GABRB1: variants seen among roughly 807,000 people sequenced by gnomAD.
GABRB1 encodes gamma-aminobutyric acid receptor subunit beta-1.
A neutral mutation model predicts 51.6 loss-of-function variants in GABRB1; 17 were observed. The ratio of observed to expected loss-of-function variants is 0.33; its 90% CI spans 0.23 to 0.49. The LOEUF is 0.49. Among genes scored for constraint, GABRB1 ranks in the 20% least tolerant of loss-of-function variants. The pLI is 0.99. For synonymous variants in GABRB1, 247 were observed against 218.9 expected, an observed-to-expected ratio of 1.13 and a Z score of -1.14; for missense variants, 410 against 600.6, an observed-to-expected ratio of 0.68 and a Z score of 3.32.
At chr4:47,233,038 C>T (rs978396976) in intron 4 of GABRB1, among the ~76,000 whole-genome samples, 3 of 152,006 alleles carry the variant, frequency 2.0e-5, no homozygotes, top group Non-Finnish European at 4.4e-5. Context: ...CCATGCCCAG[C>T]TAATTTTTTT....
intron 4 of GABRB1, among the ~76,000 whole-genome samples, chr4:47,222,197 T>C (rs1038049161): frequency 6.6e-6 from 1 of 152,152 alleles, no homozygotes; most frequent in Non-Finnish European, 1.5e-5. Flanking sequence ...GCTCTGCACA[T>C]GTCAGTGACT....
At chr4:47,342,993 T>C (rs1241076862) in intron 5 of GABRB1, among the ~76,000 whole-genome samples, 2 of 152,138 alleles carry the variant, frequency 1.3e-5, no homozygotes, top group Non-Finnish European at 2.9e-5. Context: ...TCCATCACGC[T>C]GGCTGATGGA....
At chr4:47,136,839 A>T (rs1299788524) in intron 3 of GABRB1, among the ~76,000 whole-genome samples, 2 of 152,098 alleles carry the variant, frequency 1.3e-5, no homozygotes, top group African/African-American at 4.8e-5. Context: ...CTTTAATTTT[A>T]TTATATAATT....
chr4:47,318,961 G>A (rs1480050599), intron 4 of GABRB1, among the ~76,000 whole-genome samples: 1 of 152,028 alleles, frequency 6.6e-6, no homozygotes, highest in African/African-American at 2.4e-5. Flanking sequence ...AAGCACAGCT[G>A]TGTCTTCTTA....
intron 3 of GABRB1, among the ~76,000 whole-genome samples, chr4:47,160,283 T>C (rs551337520): frequency 2.0e-5 from 3 of 152,174 alleles, no homozygotes; most frequent in African/African-American, 4.8e-5. Flanking sequence ...CTTCCTGAAA[T>C]GAAACAGGAA....
chr4:47,243,066 G>C (rs1472808192), intron 4 of GABRB1, among the ~76,000 whole-genome samples: 1 of 152,140 alleles, frequency 6.6e-6, no homozygotes, highest in Non-Finnish European at 1.5e-5. Context: ...TTTTGTATCA[G>C]GTGTAAGGAA....
intron 3 of GABRB1, among the ~76,000 whole-genome samples, chr4:47,136,339 C>A (rs1268916432): frequency 6.6e-6 from 1 of 151,956 alleles, no homozygotes; most frequent in African/African-American, 2.4e-5. Flanking sequence ...TTCTTTCATG[C>A]TTATGTAACG....
intron 1 of GABRB1, among the ~76,000 whole-genome samples, chr4:46,999,198 G>A (rs1007078235): frequency 2.0e-5 from 3 of 152,094 alleles, no homozygotes; most frequent in African/African-American, 7.2e-5. Context: ...AAATACTGGA[G>A]GTATGATTCA....
intron 5 of GABRB1, among the ~76,000 whole-genome samples, chr4:47,326,527 T>C (rs1221688375): frequency 6.6e-6 from 1 of 152,186 alleles, no homozygotes; most frequent in Non-Finnish European, 1.5e-5. Flanking sequence ...TATGTACATA[T>C]AGAAAAAACA....
intron 4 of GABRB1, among the ~76,000 whole-genome samples, chr4:47,295,457 G>A (rs2051068795): frequency 1.3e-5 from 2 of 152,196 alleles, no homozygotes; most frequent in South Asian, 2.1e-4. Context: ...ACTACATGAA[G>A]AATGCAGAAG....
chr4:47,150,545 C>T (rs1717394538), intron 3 of GABRB1, among the ~76,000 whole-genome samples: 1 of 151,772 alleles, frequency 6.6e-6, no homozygotes, highest in South Asian at 2.1e-4. Context: ...TATATTTCTA[C>T]TCATTTAATT....
chr4:47,225,077 T>C (rs1286162765), intron 4 of GABRB1, among the ~76,000 whole-genome samples: 1 of 152,124 alleles, frequency 6.6e-6, no homozygotes, highest in Non-Finnish European at 1.5e-5. Flanking sequence ...GAATTTTTAG[T>C]AGAGATGGGA....
intron 1 of GABRB1, among the ~76,000 whole-genome samples, chr4:47,007,977 T>C (rs1724461968): frequency 6.6e-6 from 1 of 151,076 alleles, no homozygotes; most frequent in Non-Finnish European, 1.5e-5. Flanking sequence ...AGGTAAATAA[T>C]GTTTTGGAGT....
intron 4 of GABRB1, among the ~76,000 whole-genome samples, chr4:47,299,477 A>T (rs1724155238): frequency 6.6e-6 from 1 of 152,210 alleles, no homozygotes; most frequent in Non-Finnish European, 1.5e-5. Flanking sequence ...CAGCCAAAAA[A>T]CACATGAAAA....
intron 4 of GABRB1, among the ~76,000 whole-genome samples, chr4:47,273,760 A>T (rs1396259684): frequency 6.6e-6 from 1 of 152,048 alleles, no homozygotes; most frequent in Non-Finnish European, 1.5e-5. Context: ...AGATGAGGGC[A>T]TCCCACCCAG....
chr4:47,159,192 G>C (rs112173897), intron 3 of GABRB1, among the ~76,000 whole-genome samples: 1 of 151,932 alleles, frequency 6.6e-6, no homozygotes, highest in African/African-American at 2.4e-5. Flanking sequence ...CTGAAAGATA[G>C]GATTCTTTAA....
chr4:47,308,438 T>C (rs990742076), intron 4 of GABRB1, among the ~76,000 whole-genome samples: 1 of 152,096 alleles, frequency 6.6e-6, no homozygotes, highest in Non-Finnish European at 1.5e-5. Context: ...CTGGGAATTT[T>C]GCACAATTTA....
chr4:47,385,254 A>T (rs543788891), intron 5 of GABRB1, among the ~76,000 whole-genome samples: 12 of 152,330 alleles, frequency 7.9e-5, no homozygotes, highest in Admixed American at 3.3e-4. Flanking sequence ...GAATTTTGAA[A>T]GAGATTTCTC....
At chr4:47,396,862 T>C (rs1327574561) in intron 5 of GABRB1, among the ~76,000 whole-genome samples, 2 of 152,098 alleles carry the variant, frequency 1.3e-5, no homozygotes, top group Non-Finnish European at 2.9e-5. Flanking sequence ...TTCCAAGTTA[T>C]AAGGCAAAAA....
Sources: allele counts gnomAD v4.1 joint callset (sites outside exome capture counted in the v4.1 genomes callset), GRCh38; gene constraint gnomAD v4.1.1; transcripts MANE v1.5; gene names NCBI Gene and HGNC (gene_info 2026-07-23, HGNC 2026-07-21).